Variants in TENM4 observed in about 807,000 individuals in gnomAD.
The protein encoded by TENM4 is teneurin transmembrane protein 4, also known as teneurin-4.
A neutral mutation model predicts 243.3 loss-of-function variants in TENM4; 82 were observed. The observed-to-expected ratio is 0.34, with a 90% CI of 0.28 to 0.40. The LOEUF is 0.40. Among genes scored for constraint, TENM4 ranks in the 10% least tolerant of loss-of-function variants. The pLI is 1.00. For missense variants in TENM4, 3,138 were observed against 3,673.3 expected (o/e 0.85, Z 3.77); for synonymous variants, 1,412 against 1,456.3 (o/e 0.97, Z 0.69).
At chr11:79,321,595 G>A (rs534569331) in intron 1 of TENM4, among the ~76,000 whole-genome samples, 4 of 141,086 alleles carry the variant, frequency 2.8e-5, no homozygotes, top group Admixed American at 1.5e-4. Context: ...CAAACAACTC[G>A]TCACTGGGTG....
At chr11:79,341,740 C>T (rs1379163129) in intron 1 of TENM4, among the ~76,000 whole-genome samples, 3 of 152,190 alleles carry the variant, frequency 2.0e-5, no homozygotes, top group Non-Finnish European at 4.4e-5. Flanking sequence ...AATGGAATGT[C>T]TGCCCTTGGA....
intron 3 of TENM4, among the ~76,000 whole-genome samples, chr11:79,214,164 T>A (rs1347879428): frequency 1.3e-5 from 2 of 152,064 alleles, no homozygotes; most frequent in African/African-American, 2.4e-5. Context: ...GCTAATATTT[T>A]TTTTACTTTT....
At chr11:79,363,763 T>C (rs1296188818) in intron 1 of TENM4, among the ~76,000 whole-genome samples, 1 of 152,224 alleles carries the variant, frequency 6.6e-6, no homozygotes, top group Non-Finnish European at 1.5e-5. Context: ...ATACTAAAAA[T>C]AATAGATTGC....
Position 78,670,479 on chromosome 11 carries a change from C to T in TENM4, c.5866G>A (p.Val1956Met). The change falls in exon 32 of 34, where the codon GTG becomes ATG. Residue 1956 changes from valine to methionine, a missense_variant. This residue lies in a region of TENM4 where 2,467 missense variants were observed against 3,059.1 expected (regional missense o/e 0.81). Coordinates refer to ENST00000278550, the MANE Select transcript of TENM4 (RefSeq NM_001098816.3). ...EFDKNDRLSS[V>M]TMPNVARQTL... Reference sequence around the variant, plus strand: ...TGCCGCGCCACGTTGGGCATCGTCACAGAAGAGAGGCGGTCATTCTTGTCG... The same window carrying T: ...TGCCGCGCCACGTTGGGCATCGTCATAGAAGAGAGGCGGTCATTCTTGTCG... The T allele has an allele frequency of 1.9e-6, 3 of 1,613,928 alleles. No homozygotes were observed. The highest frequency in any genetic ancestry group is 2.5e-6 in the Non-Finnish European group (3 of 1,179,902).
intron 3 of TENM4, among the ~76,000 whole-genome samples, chr11:79,162,813 T>C (rs550831787): frequency 2.6e-5 from 4 of 152,210 alleles, no homozygotes; most frequent in Admixed American, 6.5e-5. Context: ...CAGGAGCCCA[T>C]TGGGAACTCC....
At chr11:78,719,025 A>G (rs996952311) in intron 25 of TENM4, among the ~76,000 whole-genome samples, 2 of 152,194 alleles carry the variant, frequency 1.3e-5, no homozygotes, top group Admixed American at 1.3e-4. Flanking sequence ...ATGATAATAA[A>G]TTATAATACT....
At chr11:79,227,072 A>G (rs993785497) in intron 2 of TENM4, among the ~76,000 whole-genome samples, 1 of 152,206 alleles carries the variant, frequency 6.6e-6, no homozygotes, top group African/African-American at 2.4e-5. Context: ...TCCCTGACAG[A>G]AGATTGGAGA....
At position 79,215,853 on chromosome 11, in the gene TENM4, G is replaced by A; in HGVS notation, c.-208C>T. The A allele has an allele frequency of 1.0e-6, 1 of 985,924 alleles. No individual in the cohort carries two copies. The highest frequency in any genetic ancestry group is 1.2e-6 in the Non-Finnish European group (1 of 829,970). 61.1% of individuals were successfully genotyped at this position (985,924 alleles called of 1,614,324 possible). A position where few individuals can be genotyped will look rare whatever the true frequency, so the allele number is the denominator to read the frequency against. On this transcript the variant is annotated 5_prime_UTR_variant, in exon 3 of 34. Coordinates refer to ENST00000278550, the MANE Select transcript of TENM4 (RefSeq NM_001098816.3). Reference sequence around the variant, plus strand: ...TCTGAAGAGTCAGCAATGTCCGTGGGCCCTGCAGCCCTCTCTCCAAGGCCA... The same window carrying A: ...TCTGAAGAGTCAGCAATGTCCGTGGACCCTGCAGCCCTCTCTCCAAGGCCA...
rs556113473 is a variant in TENM4, at chr11:78,959,181, T to C, written c.494-55658A>G. 1.3e-5 allele frequency among the ~76,000 whole-genome samples: 2 copies of C among 152,226 alleles called. 1 individual carries two copies. Among genetic ancestry groups the C allele is most frequent in the South Asian group, 4.2e-4 (2 of 4,814 alleles). ...CAATGAGCACTAAATTAAAAGTCTC[T>C]GAAAAACCATGCACCAAACTGTTAA... On this transcript the variant is annotated intron_variant, in intron 6 of 33. Transcript: ENST00000278550.
intron 16 of TENM4, among the ~76,000 whole-genome samples, chr11:78,782,537 C>T (rs922474433): frequency 2.6e-5 from 4 of 152,116 alleles, no homozygotes; most frequent in African/African-American, 7.2e-5. Flanking sequence ...GCAGAGGTTG[C>T]GGTCAGCCGA....
chr11:78,691,184 C>T (rs1391874193), intron 28 of TENM4, among the ~76,000 whole-genome samples: 1 of 152,198 alleles, frequency 6.6e-6, no homozygotes. Flanking sequence ...TCGTCCCCCT[C>T]TTTGGACTGT....
In TENM4 at chr11:78,764,793, A is replaced by G. The variant is rs11821724; in HGVS notation, c.2539+6199T>C. On this transcript the variant is annotated intron_variant, in intron 18 of 33. Coordinates refer to ENST00000278550, the MANE Select transcript of TENM4 (RefSeq NM_001098816.3). ...GTAGTGGGGCAGACAGAGACAATTGAGTGCTGGAGAAGAAGGAAGTAGAAG... is the reference window on the plus strand; with the variant it reads ...GTAGTGGGGCAGACAGAGACAATTGGGTGCTGGAGAAGAAGGAAGTAGAAG... Among the ~76,000 whole-genome samples, 24 of 152,238 alleles carry G rather than the reference A, an allele frequency of 1.6e-4. No homozygotes were observed. The South Asian group carries it at 5.0e-3, about 32-fold the overall frequency.
chr11:79,107,990 T>C (rs1861413778), intron 4 of TENM4, among the ~76,000 whole-genome samples: 1 of 152,194 alleles, frequency 6.6e-6, no homozygotes, highest in South Asian at 2.1e-4. Context: ...TAAAAATTGA[T>C]CCTGGCAAGA....
intron 4 of TENM4, among the ~76,000 whole-genome samples, chr11:79,136,073 A>G (rs1363910450): frequency 6.6e-6 from 1 of 151,940 alleles, no homozygotes; most frequent in Non-Finnish European, 1.5e-5. Flanking sequence ...AAAGGCTACA[A>G]ATATGGTGCA....
intron 6 of TENM4, among the ~76,000 whole-genome samples, chr11:78,922,694 G>A (rs1354995240): frequency 1.3e-5 from 2 of 152,198 alleles, no homozygotes; most frequent in East Asian, 1.9e-4. Flanking sequence ...TGTGATTATA[G>A]TTCAGCAGGC....
intron 1 of TENM4, among the ~76,000 whole-genome samples, chr11:79,410,358 T>C (rs1858672100): frequency 6.6e-6 from 1 of 152,198 alleles, no homozygotes; most frequent in Non-Finnish European, 1.5e-5. Context: ...TCCTCTCTGA[T>C]CACTTTCTGA....
chr11:79,055,498 T>A lies in TENM4; in HGVS notation c.493+9240A>T, dbSNP rs187903283. Among the ~76,000 whole-genome samples the A allele has an allele frequency of 6.9e-3, 1,058 of 152,304 alleles. 9 individuals carry two copies. The highest frequency in any genetic ancestry group is 0.041 in the South Asian group (200 of 4,830). On this transcript the variant is annotated intron_variant, in intron 6 of 33. Transcript: ENST00000278550. ...CTCAAGTGATCTGCCTGTCTCGGCC[T>A]CCCAAAGTGCTGGGATTATGGGCGT...
At chr11:79,294,931 C>T (rs937150735) in intron 2 of TENM4, among the ~76,000 whole-genome samples, 1 of 152,180 alleles carries the variant, frequency 6.6e-6, no homozygotes, top group African/African-American at 2.4e-5. Flanking sequence ...TGGGCATTTG[C>T]TGCCTGGAGC....
chr11:78,851,799 G>A (rs1049933381), intron 12 of TENM4, among the ~76,000 whole-genome samples: 8 of 152,198 alleles, frequency 5.3e-5, no homozygotes, highest in African/African-American at 1.4e-4. Context: ...TGATGACAGG[G>A]AACAGGCTAT....
Sources: gnomAD v4.1 joint callset for allele counts (sites outside exome capture counted in the v4.1 genomes callset) on GRCh38, gnomAD v4.1.1 for gene constraint, gnomAD v4.1.1 regional missense constraint, MANE v1.5 for transcripts, NCBI Gene and HGNC (gene_info 2026-07-23, HGNC 2026-07-21) for gene names.